The following KCNQ1 variants were observed in gnomAD, a reference collection of about 807,000 sequenced individuals.
The protein encoded by KCNQ1 is potassium voltage-gated channel subfamily KQT member 1.
Under a neutral mutation model 72.4 loss-of-function variants are expected in KCNQ1, and 49 were observed. That is an observed-to-expected ratio of 0.68 (90% CI 0.54 to 0.86). KCNQ1 has a LOEUF of 0.86. Among genes scored for constraint, KCNQ1 ranks in the 40% least tolerant of loss-of-function variants. The pLI, the probability that KCNQ1 is intolerant of heterozygous loss-of-function variation, is 0.00. For missense variants in KCNQ1, 790 were observed against 945.1 expected (o/e 0.84, Z 2.15); for synonymous variants, 450 against 412.6 (o/e 1.09, Z -1.10).
At chr11:2,521,095 T>C (rs535159402) in intron 1 of KCNQ1, among the ~76,000 whole-genome samples, 1 of 152,278 alleles carries the variant, frequency 6.6e-6, no homozygotes, top group Non-Finnish European at 1.5e-5. Flanking sequence ...ATTTACCGTC[T>C]TAACTCTGTG....
chr11:2,523,751 G>GTTTTTTTTTT lies in KCNQ1; in HGVS notation c.387-4166_387-4157dup, dbSNP rs59766245. On this transcript the variant is annotated intron_variant, in intron 1 of 15. Coordinates refer to ENST00000155840, the MANE Select transcript of KCNQ1 (RefSeq NM_000218.3). ...GCCTCTGCCTTGGAGGAAGTTTACA[G>GTTTTTTTTTT]TTTTTTTTTTTTTTTTTTTTGAAAG... Among the ~76,000 whole-genome samples, 162 of 115,116 alleles carry GTTTTTTTTTT rather than the reference G, an allele frequency of 1.4e-3. 4 individuals carry two copies. Among genetic ancestry groups the GTTTTTTTTTT allele is most frequent in the African/African-American group, 5.2e-3 (154 of 29,478 alleles). The allele number at this position is 115,116 out of a possible 152,430, so 75.5% of individuals were successfully genotyped here.
Position 2,814,050 on chromosome 11 carries a change from G to A in KCNQ1, c.1795-33717G>A, listed in dbSNP as rs557975967. Among the ~76,000 whole-genome samples, 3 of 151,770 alleles carry A rather than the reference G, an allele frequency of 2.0e-5. No individual in the cohort carries two copies. The South Asian group carries it at 6.3e-4, about 32-fold the overall frequency. Reference sequence around the variant, plus strand: ...GGATGGGTGTGTGGGTATGTGGATGGAGAGATGGATGAATGGTTAAAGAGG... The same window carrying A: ...GGATGGGTGTGTGGGTATGTGGATGAAGAGATGGATGAATGGTTAAAGAGG... On this transcript the variant is annotated intron_variant, in intron 15 of 15. Coordinates refer to ENST00000155840, the MANE Select transcript of KCNQ1 (RefSeq NM_000218.3).
intron 11 of KCNQ1, among the ~76,000 whole-genome samples, chr11:2,719,366 C>T (rs576984404): frequency 3.4e-5 from 5 of 145,478 alleles, no homozygotes; most frequent in South Asian, 2.2e-4. Flanking sequence ...CAAGGTGGTG[C>T]GTGCCTGTGG....
At chr11:2,465,462 C>A (rs1441053960) in intron 1 of KCNQ1, among the ~76,000 whole-genome samples, 1 of 152,234 alleles carries the variant, frequency 6.6e-6, no homozygotes, top group African/African-American at 2.4e-5. Context: ...ACGGCCCCCA[C>A]CAGGGCTGAG....
In KCNQ1 at chr11:2,598,010, T is replaced by A. The variant is rs1367745420; in HGVS notation, c.1393+9156T>A. 6.6e-6 allele frequency among the ~76,000 whole-genome samples: 1 copy of A among 152,134 alleles called. No homozygotes were observed. Among genetic ancestry groups the A allele is most frequent in the Admixed American group, 6.5e-5 (1 of 15,284 alleles). On this transcript the variant is annotated intron_variant, in intron 10 of 15. Coordinates refer to ENST00000155840, the MANE Select transcript of KCNQ1 (RefSeq NM_000218.3). This position sits in a 1 kb window ranked among gnomAD's most constrained non-coding sequence, Gnocchi z 6.2. ...TGAGAAATTTATGTTTTATTTATATTTTATTATCAGAAAACTATCTTTGTA... is the reference window on the plus strand; with the variant it reads ...TGAGAAATTTATGTTTTATTTATATATTATTATCAGAAAACTATCTTTGTA...
intron 11 of KCNQ1, among the ~76,000 whole-genome samples, chr11:2,741,379 CTCTT>C (rs1846047704): frequency 6.6e-6 from 1 of 152,206 alleles, no homozygotes; most frequent in Admixed American, 6.5e-5. Context: ...GAGATATTTG[CTCTT>C]TCTTTTTGTT....
intron 1 of KCNQ1, among the ~76,000 whole-genome samples, chr11:2,487,605 C>A (rs943577406): frequency 1.3e-5 from 2 of 151,932 alleles, no homozygotes; most frequent in African/African-American, 2.4e-5. Context: ...AAGTTAATTC[C>A]TAAGTATTCT....
chr11:2,614,109 C>T, intron 10 of KCNQ1: 1 of 398,508 alleles, frequency 2.5e-6, no homozygotes, highest in Non-Finnish European at 4.4e-6. Flanking sequence ...GCTATGCTCA[C>T]CATTCTTTGG....
At chr11:2,793,571 C>T (rs1229906016) in intron 15 of KCNQ1, among the ~76,000 whole-genome samples, 1 of 152,156 alleles carries the variant, frequency 6.6e-6, no homozygotes, top group African/African-American at 2.4e-5. Context: ...CTGCAGTGAG[C>T]CATGATCACA....
At chr11:2,618,778 T>C (rs1469114694) in intron 10 of KCNQ1, 3 of 398,460 alleles carry the variant, frequency 7.5e-6, no homozygotes, top group Non-Finnish European at 1.3e-5. Flanking sequence ...TTGGATATTA[T>C]TGACATTTTA....
At chr11:2,696,792 G>T (rs760590096) in intron 11 of KCNQ1, 12 of 398,322 alleles carry the variant, frequency 3.0e-5, no homozygotes, top group Non-Finnish European at 4.4e-5. Flanking sequence ...TCCTAGACTG[G>T]TATAAATTTT....
At chr11:2,680,534 C>T (rs1850378471) in intron 11 of KCNQ1, 1 of 398,320 alleles carries the variant, frequency 2.5e-6, no homozygotes, top group Non-Finnish European at 4.4e-6. Context: ...GTACATTTCT[C>T]ATGCAGTTCT....
In KCNQ1 at chr11:2,848,338, T is replaced by C. The variant is rs1848384788; in HGVS notation, c.*335T>C. 1.8e-6 allele frequency: 1 copy of C among 569,994 alleles called. No homozygotes were observed. The highest frequency in any genetic ancestry group is 1.8e-5 in the African/African-American group (1 of 54,270). 35.3% of individuals were successfully genotyped at this position (569,994 alleles called of 1,614,324 possible). A position where few individuals can be genotyped will look rare whatever the true frequency, so the allele number is the denominator to read the frequency against. ...GCCTGGCCCATGTATGGCCAGGAAG[T>C]AGCACAGGCTGAGTGCAGGCCCACC... On this transcript the variant is annotated 3_prime_UTR_variant, in exon 16 of 16. Coordinates refer to ENST00000155840, the MANE Select transcript of KCNQ1 (RefSeq NM_000218.3).
chr11:2,605,643 C>T (rs1026269032), intron 10 of KCNQ1, among the ~76,000 whole-genome samples: 1 of 152,218 alleles, frequency 6.6e-6, no homozygotes, highest in Non-Finnish European at 1.5e-5. Context: ...CCTTGATCTA[C>T]ATATCTATCT....
At position 2,558,981 on chromosome 11, in the gene KCNQ1, C is replaced by T. The variant is rs78710686; in HGVS notation, c.478-11647C>T. The stretch of plus-strand genomic sequence containing the variant: ...CACACATGGGGCCAGCTGCCTTGAG[C>T]ACCTCCTGCTCAGACCCAGGTGAGG... On this transcript the variant is annotated intron_variant, in intron 2 of 15. Coordinates refer to ENST00000155840, the MANE Select transcript of KCNQ1 (RefSeq NM_000218.3). 6.5e-3 allele frequency among the ~76,000 whole-genome samples: 989 copies of T among 152,238 alleles called. 8 individuals carry two copies. Among genetic ancestry groups the T allele is most frequent in the African/African-American group, 0.023 (945 of 41,538 alleles).
Position 2,627,772 on chromosome 11 carries a change from A to T in KCNQ1, c.1394-34189A>T, listed in dbSNP as rs1301211477. ...ACTATTTTCTTCCTTTCTTTTTGAG[A>T]CAGGGTCTCCATCTGTCATCCAGGC... On this transcript the variant is annotated intron_variant, in intron 10 of 15. Coordinates refer to ENST00000155840, the MANE Select transcript of KCNQ1 (RefSeq NM_000218.3). The surrounding 1 kb of genome is among the most constrained non-coding windows in gnomAD (Gnocchi z 4.9). 1 of 398,196 alleles carries T rather than the reference A, an allele frequency of 2.5e-6. No homozygotes were observed. The highest frequency in any genetic ancestry group is 4.4e-6 in the Non-Finnish European group (1 of 226,046). 24.7% of individuals were successfully genotyped at this position (398,196 alleles called of 1,614,324 possible). A position where few individuals can be genotyped will look rare whatever the true frequency, so the allele number is the denominator to read the frequency against.
intron 2 of KCNQ1, among the ~76,000 whole-genome samples, chr11:2,532,102 C>T (rs1392202617): frequency 6.6e-6 from 1 of 152,174 alleles, no homozygotes; most frequent in African/African-American, 2.4e-5. Context: ...TGTCAGGTTT[C>T]AGGCCTCTGC....
At chr11:2,840,521 G>C (rs201584921) in intron 15 of KCNQ1, 1 of 137,814 alleles carries the variant, frequency 7.3e-6, no homozygotes, top group Non-Finnish European at 1.6e-5. Context: ...AATCAAAAAA[G>C]TATTAGGAAA....
rs983328594 is a variant in KCNQ1 at position 2,543,375 on chromosome 11, A to G, written c.477+15357A>G. Among the ~76,000 whole-genome samples the G allele has an allele frequency of 6.6e-6, 1 of 151,944 alleles. No homozygotes were observed. The highest frequency in any genetic ancestry group is 2.1e-4 in the South Asian group (1 of 4,808). On this transcript the variant is annotated intron_variant, in intron 2 of 15. Transcript: ENST00000155840. This position sits in a 1 kb window ranked among gnomAD's most constrained non-coding sequence, Gnocchi z 5.6. ...TGCAACCTCGAATTCCTGGGCTCCG[A>G]GGATCCTCCCACCTCAGCCTCCCAA... is the stretch of plus-strand genomic sequence containing the variant.
Sources: allele counts gnomAD v4.1 joint callset (sites outside exome capture counted in the v4.1 genomes callset), GRCh38; gene constraint gnomAD v4.1.1; non-coding constraint Gnocchi (gnomAD v3.1); transcripts MANE v1.5; gene names NCBI Gene and HGNC (gene_info 2026-07-23, HGNC 2026-07-21).